Variants in SPECC1 observed in about 807,000 individuals in gnomAD.
SPECC1 encodes sperm antigen with calponin homology and coiled-coil domains 1, also known as cytospin-B.
Under a neutral mutation model 104.1 loss-of-function variants are expected in SPECC1, and 62 were observed. The ratio of observed to expected loss-of-function variants is 0.60; its 90% CI spans 0.49 to 0.74. The LOEUF (loss-of-function observed/expected upper bound fraction) is 0.74, where lower values mean the gene tolerates loss of function less well. Ranked by LOEUF, SPECC1 falls within the 30% of genes least tolerant of loss-of-function variation. The pLI is 0.00. For missense variants in SPECC1, 1,306 were observed against 1,310.5 expected (o/e 1.00, Z 0.05); for synonymous variants, 513 against 501.6 (o/e 1.02, Z -0.30).
chr17:20,036,038 C>T (rs1567805384), intron 1 of SPECC1, among the ~76,000 whole-genome samples: 1 of 152,106 alleles, frequency 6.6e-6, no homozygotes, highest in Admixed American at 6.5e-5. Context: ...GTCTCAAACT[C>T]CTGACCTTGT....
At chr17:20,300,528 A>T (rs185539951) in intron 13 of SPECC1, among the ~76,000 whole-genome samples, 1 of 152,256 alleles carries the variant, frequency 6.6e-6, no homozygotes, top group Non-Finnish European at 1.5e-5. Flanking sequence ...CCCTGCAGTC[A>T]TCCAGACAGA....
intron 7 of SPECC1, chr17:20,237,383 C>T (rs547394609): frequency 4.2e-4 from 282 of 675,638 alleles, no homozygotes; most frequent in Admixed American, 6.3e-4. Context: ...GGTACGATCT[C>T]GGCTCACTGC....
chr17:20,035,464 C>T (rs974804449), intron 1 of SPECC1, among the ~76,000 whole-genome samples: 1 of 151,952 alleles, frequency 6.6e-6, no homozygotes, highest in Non-Finnish European at 1.5e-5. Flanking sequence ...CTTTTATCAG[C>T]GTTTTGTAGT....
rs576538287 is a variant in SPECC1 at position 20,253,423 on chromosome 17, C to A, written c.2599-82C>A. On this transcript the variant is annotated intron_variant, in intron 9 of 14. Transcript: ENST00000395527. ...GTGTTTAAGAACTGTTGCACACACA[C>A]GCATGCACACACACACATCTGTGTT... 4.5e-6 allele frequency: 6 copies of A among 1,343,678 alleles called. No individual in the cohort carries two copies. The East Asian group carries it at 1.4e-4, about 31-fold the overall frequency. 83.2% of individuals were successfully genotyped at this position (1,343,678 alleles called of 1,614,324 possible).
chr17:20,245,712 C>T (rs1043701405), intron 7 of SPECC1, among the ~76,000 whole-genome samples: 3 of 152,074 alleles, frequency 2.0e-5, no homozygotes, highest in Admixed American at 2.0e-4. Context: ...TATTTCTGAC[C>T]ATTTCCCAAG....
chr17:20,238,206 A>G (rs1431827588), intron 7 of SPECC1: 5 of 1,038,982 alleles, frequency 4.8e-6, no homozygotes, highest in Non-Finnish European at 4.6e-6. Context: ...ATAGGTAAGC[A>G]CGGTGACAAT....
intron 12 of SPECC1, among the ~76,000 whole-genome samples, chr17:20,266,454 C>T (rs959087558): frequency 2.0e-5 from 3 of 152,112 alleles, no homozygotes; most frequent in Non-Finnish European, 4.4e-5. Context: ...CGTGGTGGCA[C>T]GCACCTGTGG....
In SPECC1 at chr17:20,316,122, A is replaced by G. The variant is rs1262178246; in HGVS notation, c.*2057A>G. 4.3e-6 allele frequency: 1 copy of G among 231,678 alleles called. No individual in the cohort carries two copies. The highest frequency in any genetic ancestry group is 2.2e-5 in the African/African-American group (1 of 45,240). 14.4% of individuals were successfully genotyped at this position (231,678 alleles called of 1,614,324 possible). A position where few individuals can be genotyped will look rare whatever the true frequency, so the allele number is the denominator to read the frequency against. ...AAACTCGACACATAGAACCAATTCA[A>G]CCTGAAAGTTACTACTTCTGCTGAT... On this transcript the variant is annotated 3_prime_UTR_variant, in exon 15 of 15. Transcript: ENST00000395527.
intron 3 of SPECC1, among the ~76,000 whole-genome samples, chr17:20,196,886 A>AT (rs556655084): frequency 5.2e-4 from 79 of 152,338 alleles, no homozygotes; most frequent in Non-Finnish European, 9.6e-4. Flanking sequence ...TTTATCAGTA[A>AT]TTTTTAAAGC....
intron 2 of SPECC1, among the ~76,000 whole-genome samples, chr17:20,101,238 C>G (rs2047930742): frequency 6.6e-6 from 1 of 152,122 alleles, no homozygotes; most frequent in Admixed American, 6.5e-5. Context: ...GAGGAATCAC[C>G]ACACTGTCTT....
Position 20,315,258 on chromosome 17 carries a change from C to G in SPECC1, c.*1193C>G, listed in dbSNP as rs963763893. 2.1e-5 allele frequency: 5 copies of G among 232,612 alleles called. No individual in the cohort carries two copies. The highest frequency in any genetic ancestry group is 4.4e-5 in the African/African-American group (2 of 45,304). The allele number at this position is 232,612 out of a possible 1,614,324, so 14.4% of individuals were successfully genotyped here. A position where few individuals can be genotyped will look rare whatever the true frequency, so the allele number is the denominator to read the frequency against. ...CTCTTTCATCGGCATGGGAAAAGCC[C>G]TTAGGGGTGGGCGGTGAGGGCACAT... is the stretch of plus-strand genomic sequence containing the variant. On this transcript the variant is annotated 3_prime_UTR_variant, in exon 15 of 15. Coordinates refer to ENST00000395527, the MANE Select transcript of SPECC1 (RefSeq NM_001243439.2).
At chr17:20,269,606 T>G (rs932618452) in intron 12 of SPECC1, among the ~76,000 whole-genome samples, 4 of 152,192 alleles carry the variant, frequency 2.6e-5, no homozygotes, top group Non-Finnish European at 4.4e-5. Context: ...ACTCCCGACC[T>G]CAGGTGATCT....
chr17:20,107,129 G>A (rs1176338667), intron 2 of SPECC1, among the ~76,000 whole-genome samples: 1 of 120,246 alleles, frequency 8.3e-6, no homozygotes, highest in Non-Finnish European at 1.6e-5. Context: ...GGGCGACAGA[G>A]TGAGACTCGT....
At chr17:20,100,752 C>T (rs756791231) in intron 2 of SPECC1, among the ~76,000 whole-genome samples, 16 of 152,096 alleles carry the variant, frequency 1.1e-4, no homozygotes, top group Non-Finnish European at 2.4e-4. Flanking sequence ...TGCCTATCAA[C>T]CAGTCATCTA....
At chr17:20,115,942 G>T (rs950566841) in intron 3 of SPECC1, among the ~76,000 whole-genome samples, 30 of 152,166 alleles carry the variant, frequency 2.0e-4, no homozygotes, top group African/African-American at 7.2e-4. Flanking sequence ...ACAAAATGAT[G>T]ATTGTAATCA....
At chr17:20,020,828 T>C (rs2044346126) in intron 1 of SPECC1, among the ~76,000 whole-genome samples, 1 of 152,194 alleles carries the variant, frequency 6.6e-6, no homozygotes, top group Admixed American at 6.5e-5. Flanking sequence ...CTAATGAGGT[T>C]CATATAATAC....
chr17:20,270,689 A>G (rs982490772), intron 12 of SPECC1, among the ~76,000 whole-genome samples: 2 of 152,046 alleles, frequency 1.3e-5, no homozygotes, highest in African/African-American at 4.8e-5. Context: ...CTTATGCTAA[A>G]TAGTTGTGAA....
intron 1 of SPECC1, among the ~76,000 whole-genome samples, chr17:20,019,885 C>T (rs969745021): frequency 6.6e-6 from 1 of 150,714 alleles, no homozygotes; most frequent in South Asian, 2.1e-4. Context: ...GCTTCTTTTC[C>T]GTGGTTTTAT....
chr17:20,284,540 A>G (rs544029088), intron 12 of SPECC1, among the ~76,000 whole-genome samples: 69 of 152,378 alleles, frequency 4.5e-4, no homozygotes, highest in African/African-American at 1.6e-3. Context: ...AATGCACGGC[A>G]GGGAAGGAGC....
Sources: gnomAD v4.1 joint callset for allele counts (sites outside exome capture counted in the v4.1 genomes callset) on GRCh38, gnomAD v4.1.1 for gene constraint, MANE v1.5 for transcripts, NCBI Gene and HGNC (gene_info 2026-07-23, HGNC 2026-07-21) for gene names.